RGPD8: variants seen among roughly 807,000 people sequenced by gnomAD.
RGPD8 encodes the protein RANBP2 like and GRIP domain containing 8.
A neutral mutation model predicts 89.1 loss-of-function variants in RGPD8; 15 were observed. The ratio of observed to expected loss-of-function variants is 0.17; its 90% CI spans 0.11 to 0.26. The LOEUF (loss-of-function observed/expected upper bound fraction) is 0.26. Among genes scored for constraint, RGPD8 ranks in the 10% least tolerant of loss-of-function variants. The pLI, the probability that RGPD8 is intolerant of heterozygous loss-of-function variation, is 1.00. For missense variants in RGPD8, 178 were observed against 1,179.6 expected (o/e 0.15, Z 12.44); for synonymous variants, 62 against 420.9 (o/e 0.15, Z 10.44).
chr2:112,369,845 GGCGGGTCCT>G lies in RGPD8; in HGVS notation c.*324_*332del, dbSNP rs1258215038. ...AAATTCACAGTACTGCCGAGAAATGGGCGGGTCCTGAGGTTCCAGAGAAGTGGGGAGTGA... is the reference window on the plus strand; with the variant it reads ...AAATTCACAGTACTGCCGAGAAATGGGAGGTTCCAGAGAAGTGGGGAGTGA... On this transcript the variant is annotated 3_prime_UTR_variant, in exon 23 of 23. Transcript: ENST00000302558. Among the ~76,000 whole-genome samples the G allele has an allele frequency of 4.4e-5, 2 of 45,576 alleles. No homozygotes were observed. The highest frequency in any genetic ancestry group is 3.9e-5 in the Non-Finnish European group (1 of 25,702). 29.9% of individuals were successfully genotyped at this position (45,576 alleles called of 152,430 possible).
chr2:112,430,500 G>A (rs1020626024), intron 1 of RGPD8, among the ~76,000 whole-genome samples: 22 of 152,118 alleles, frequency 1.4e-4, no homozygotes, highest in African/African-American at 2.4e-4. Context: ...ATAACCAATC[G>A]TCAAAATGTT....
chr2:112,381,979 A>G (rs1678319487), intron 20 of RGPD8, among the ~76,000 whole-genome samples: 1 of 152,308 alleles, frequency 6.6e-6, no homozygotes, highest in Admixed American at 6.5e-5. Context: ...AGGGATTAAC[A>G]TTTGAGTCAG....
chr2:112,410,911 C>T (rs1455973126), intron 7 of RGPD8, among the ~76,000 whole-genome samples: 1 of 152,286 alleles, frequency 6.6e-6, no homozygotes, highest in African/African-American at 2.4e-5. Flanking sequence ...CATGGAGAAA[C>T]CTCGTCTCTA....
chr2:112,372,937 G>A (rs1677996627), intron 22 of RGPD8, among the ~76,000 whole-genome samples: 1 of 128,120 alleles, frequency 7.8e-6, no homozygotes, highest in Non-Finnish European at 1.6e-5. Context: ...TTATTTACTT[G>A]TAGAGAGTTT....
chr2:112,430,166 T>C lies in RGPD8; in HGVS notation c.72+3216A>G, dbSNP rs568673039. On this transcript the variant is annotated intron_variant, in intron 1 of 22. Coordinates refer to ENST00000302558, the MANE Select transcript of RGPD8 (RefSeq NM_001164463.1). ...AATGGAAGACTAGAAAGATATGATA[T>C]ACAGACGCATCATCACACACCAAAA... 3.9e-5 allele frequency among the ~76,000 whole-genome samples: 6 copies of C among 152,230 alleles called. No homozygotes were observed. In the East Asian group the frequency reaches 1.2e-3, roughly 29 times the overall value.
intron 6 of RGPD8, among the ~76,000 whole-genome samples, chr2:112,416,524 CCA>C (rs1679424547): frequency 6.7e-6 from 1 of 149,814 alleles, no homozygotes; most frequent in African/African-American, 2.5e-5. Context: ...ATGTAAGCAG[CCA>C]CAGACAATAC....
intron 6 of RGPD8, among the ~76,000 whole-genome samples, chr2:112,416,955 ATTT>A (rs1679436915): frequency 7.0e-6 from 1 of 143,368 alleles, no homozygotes; most frequent in Non-Finnish European, 1.5e-5. Context: ...CATAAGGCTA[ATTT>A]TAATCAAGCT....
chr2:112,371,022 G>A (rs1237358607), intron 22 of RGPD8, among the ~76,000 whole-genome samples: 20 of 150,384 alleles, frequency 1.3e-4, no homozygotes, highest in East Asian at 9.8e-4. Context: ...AAAATTTCCA[G>A]CACAACTAAA....
intron 22 of RGPD8, among the ~76,000 whole-genome samples, chr2:112,374,918 A>G (rs1261826711): frequency 2.2e-5 from 3 of 134,482 alleles, no homozygotes; most frequent in African/African-American, 8.5e-5. Flanking sequence ...GCTGGAGTGC[A>G]ATGGCACCAT....
chr2:112,381,879 C>A (rs1454986941), intron 20 of RGPD8, among the ~76,000 whole-genome samples: 4 of 152,274 alleles, frequency 2.6e-5, no homozygotes, highest in African/African-American at 9.6e-5. Context: ...TCCATTTGGA[C>A]AGTGTGATGG....
chr2:112,432,216 T>G (rs923134039), intron 1 of RGPD8, among the ~76,000 whole-genome samples: 1 of 152,200 alleles, frequency 6.6e-6, no homozygotes, highest in Non-Finnish European at 1.5e-5. Flanking sequence ...GACTAAAGTC[T>G]TATTGAATCC....
chr2:112,390,298 C>G, intron 19 of RGPD8, 51 bp from the exon 20 acceptor site: 6 of 1,236,770 alleles, frequency 4.9e-6, no homozygotes, highest in Non-Finnish European at 6.9e-6. Flanking sequence ...CCAAAATAGT[C>G]ATGAAATAAA....
intron 1 of RGPD8, among the ~76,000 whole-genome samples, chr2:112,428,873 C>A (rs1318887513): frequency 6.6e-6 from 1 of 151,204 alleles, no homozygotes; most frequent in Non-Finnish European, 1.5e-5. Flanking sequence ...GTGCAGCACA[C>A]CAGCATGGCA....
rs553397317 is a variant in RGPD8, at chr2:112,426,335, T to G, written c.73-2028A>C. Among the ~76,000 whole-genome samples the G allele has an allele frequency of 4.5e-3, 682 of 151,976 alleles. 2 individuals carry two copies. The highest frequency in any genetic ancestry group is 7.2e-3 in the Non-Finnish European group (487 of 67,926). Reference sequence around the variant, plus strand: ...TAGCGGGTGGGGAGCACATACAGCATGAATATGTTGGACAAAGGGATGATT... The same window carrying G: ...TAGCGGGTGGGGAGCACATACAGCAGGAATATGTTGGACAAAGGGATGATT... On this transcript the variant is annotated intron_variant, in intron 1 of 22. Coordinates refer to ENST00000302558, the MANE Select transcript of RGPD8 (RefSeq NM_001164463.1).
At position 112,374,858 on chromosome 2, in the gene RGPD8, CTT is replaced by C. The variant is rs780008775; in HGVS notation, c.5263+3193_5263+3194del. 5.0e-3 allele frequency among the ~76,000 whole-genome samples: 513 copies of C among 103,288 alleles called. 1 individual carries two copies. The highest frequency in any genetic ancestry group is 0.018 in the African/African-American group (448 of 25,168). 67.8% of individuals were successfully genotyped at this position (103,288 alleles called of 152,430 possible). On this transcript the variant is annotated intron_variant, in intron 22 of 22. Transcript: ENST00000302558. The stretch of plus-strand genomic sequence containing the variant: ...TTTGAACCATCTTGTAGTTTACATT[CTT>C]TTTTTTTTTTTTTTTTTTGAGATAG...
Position 112,370,092 on chromosome 2 carries a change from T to C in RGPD8, c.*86A>G. On this transcript the variant is annotated 3_prime_UTR_variant, in exon 23 of 23. Coordinates refer to ENST00000302558, the MANE Select transcript of RGPD8 (RefSeq NM_001164463.1). ...GAATAATGGTAACACACACGAACCATTTTTGTAAACAGATTCTATTTGGTT... is the reference window on the plus strand; with the variant it reads ...GAATAATGGTAACACACACGAACCACTTTTGTAAACAGATTCTATTTGGTT... 1.0e-6 allele frequency: 1 copy of C among 989,534 alleles called. No individual in the cohort carries two copies. Among genetic ancestry groups the C allele is most frequent in the Non-Finnish European group, 1.5e-6 (1 of 683,574 alleles). 61.3% of individuals were successfully genotyped at this position (989,534 alleles called of 1,614,324 possible).
chr2:112,411,570 C>CAAA (rs1190383425), intron 7 of RGPD8, among the ~76,000 whole-genome samples: 4 of 1,588 alleles, frequency 2.5e-3, no homozygotes, highest in East Asian at 0.02. Context: ...GACTGCGTCT[C>CAAA]AAAAAAAAAA....
At chr2:112,379,582 G>T (rs2951244) in intron 21 of RGPD8, among the ~76,000 whole-genome samples, 3 of 140,884 alleles carry the variant, frequency 2.1e-5, no homozygotes, top group African/African-American at 7.6e-5. Context: ...GTGACAGAGC[G>T]AGACTATCTC....
intron 7 of RGPD8, among the ~76,000 whole-genome samples, chr2:112,410,520 G>A (rs1339477813): frequency 6.6e-6 from 1 of 151,946 alleles, no homozygotes; most frequent in Admixed American, 6.5e-5. Flanking sequence ...GCTCATGCCT[G>A]TAATCCCAGC....
Sources: allele counts gnomAD v4.1 joint callset (sites outside exome capture counted in the v4.1 genomes callset), GRCh38; gene constraint gnomAD v4.1.1; transcripts MANE v1.5; gene names NCBI Gene and HGNC (gene_info 2026-07-23, HGNC 2026-07-21).